CACNB4: variants seen among roughly 807,000 people sequenced by gnomAD.
The protein encoded by CACNB4 is voltage-dependent L-type calcium channel subunit beta-4.
A neutral mutation model predicts 71.2 loss-of-function variants in CACNB4; 32 were observed. The observed-to-expected ratio is 0.45, with a 90% CI of 0.34 to 0.60. The LOEUF (loss-of-function observed/expected upper bound fraction) is 0.60. CACNB4 is among the 20% of genes least tolerant of loss of function. CACNB4 has a pLI of 0.01. For synonymous variants in CACNB4, 231 were observed against 236.9 expected (o/e 0.97, Z 0.23); for missense variants, 464 against 647.9 (o/e 0.72, Z 3.08).
At position 151,881,052 on chromosome 2, in the gene CACNB4, T is replaced by C. The variant is rs930398946; in HGVS notation, c.268-130A>G. ...GAGGGATCTCAAATGAGTTTTACAT[T>C]CTCAAGCAATATCAAGAAACCTGCA... On this transcript the variant is annotated intron_variant, in intron 3 of 13. Transcript: ENST00000539935. The C allele has an allele frequency of 1.5e-5, 13 of 887,858 alleles. No individual in the cohort carries two copies. The African/African-American group carries it at 1.9e-4, about 13-fold the overall frequency. 55.0% of individuals were successfully genotyped at this position (887,858 alleles called of 1,614,324 possible).
chr2:151,999,344 G>A (rs1022109085), intron 2 of CACNB4, among the ~76,000 whole-genome samples: 1 of 149,340 alleles, frequency 6.7e-6, no homozygotes, highest in African/African-American at 2.5e-5. Context: ...TCCAGTTGAT[G>A]GTACCTTATT....
chr2:151,951,960 G>A (rs1341612757), intron 2 of CACNB4, among the ~76,000 whole-genome samples: 6 of 152,166 alleles, frequency 3.9e-5, no homozygotes, highest in Admixed American at 3.3e-4. Context: ...TGGAGGCTCT[G>A]GGTATGAACA....
intron 8 of CACNB4, chr2:151,870,308 G>A: frequency 1.4e-6 from 1 of 703,312 alleles, no homozygotes. Flanking sequence ...TTTGAGGGAG[G>A]TATTTCTAAA....
chr2:151,945,418 C>T (rs939107175), intron 2 of CACNB4, among the ~76,000 whole-genome samples: 4 of 152,150 alleles, frequency 2.6e-5, no homozygotes, highest in African/African-American at 9.7e-5. Context: ...CCTGTAATCC[C>T]AGCACTTTGA....
chr2:151,919,189 T>C (rs898653173), intron 2 of CACNB4, among the ~76,000 whole-genome samples: 3 of 152,162 alleles, frequency 2.0e-5, no homozygotes, highest in African/African-American at 7.2e-5. Context: ...ACAGTCCAGG[T>C]TTTGCCAAAG....
intron 4 of CACNB4, among the ~76,000 whole-genome samples, chr2:151,877,207 G>C (rs1212893134): frequency 1.3e-5 from 2 of 151,746 alleles, no homozygotes; most frequent in Admixed American, 1.3e-4. Context: ...GGTCCAAGTA[G>C]TAAATATTTC....
chr2:152,010,436 A>G (rs1205852201), intron 2 of CACNB4, among the ~76,000 whole-genome samples: 1 of 152,204 alleles, frequency 6.6e-6, no homozygotes, highest in Non-Finnish European at 1.5e-5. Context: ...GATATGGCTA[A>G]CCACAAAGCT....
At chr2:152,070,183 C>T (rs1215302822) in intron 2 of CACNB4, among the ~76,000 whole-genome samples, 1 of 152,132 alleles carries the variant, frequency 6.6e-6, no homozygotes, top group Non-Finnish European at 1.5e-5. Context: ...AAGAATATGT[C>T]ATGACTTCAC....
intron 2 of CACNB4, among the ~76,000 whole-genome samples, chr2:152,035,624 C>CT (rs1684529446): frequency 3.2e-5 from 1 of 31,318 alleles, no homozygotes; most frequent in Non-Finnish European, 6.1e-5. Context: ...TCTCTCCCTC[C>CT]CTCTCCCTCT....
chr2:152,017,528 G>A (rs1579136082), intron 2 of CACNB4, among the ~76,000 whole-genome samples: 2 of 151,778 alleles, frequency 1.3e-5, no homozygotes, highest in East Asian at 3.9e-4. Context: ...CTAAGACGGT[G>A]AAACCCCATC....
chr2:151,838,900 T>C lies in CACNB4; in HGVS notation c.*219A>G, dbSNP rs2099835476. ...ACAAAATGTACTGTTATCATGTAAA[T>C]GTTGCACTTAAAAATATCTATATGA... On this transcript the variant is annotated 3_prime_UTR_variant, in exon 14 of 14. Transcript: ENST00000539935. 1 of 445,344 alleles carries C rather than the reference T, an allele frequency of 2.2e-6. No homozygotes were observed. The allele number at this position is 445,344 out of a possible 1,614,324, so 27.6% of individuals were successfully genotyped here.
intron 2 of CACNB4, among the ~76,000 whole-genome samples, chr2:152,020,428 G>T (rs907220737): frequency 1.3e-5 from 2 of 152,316 alleles, no homozygotes; most frequent in South Asian, 4.1e-4. Flanking sequence ...TATAGGGTGA[G>T]GGGGCAAGAA....
intron 2 of CACNB4, among the ~76,000 whole-genome samples, chr2:151,888,595 T>C (rs903875667): frequency 6.6e-6 from 1 of 152,018 alleles, no homozygotes; most frequent in Non-Finnish European, 1.5e-5. Context: ...TAAAATGTGA[T>C]CATACTGGAA....
At chr2:152,047,468 C>T (rs908796756) in intron 2 of CACNB4, among the ~76,000 whole-genome samples, 8 of 152,214 alleles carry the variant, frequency 5.3e-5, no homozygotes, top group Admixed American at 2.0e-4. Flanking sequence ...AATCCACATA[C>T]GACCTGTAAC....
chr2:152,082,571 C>T (rs1200575873), intron 2 of CACNB4, among the ~76,000 whole-genome samples: 2 of 152,330 alleles, frequency 1.3e-5, no homozygotes, highest in South Asian at 2.1e-4. Context: ...TCTGTGGACA[C>T]AGCCATAAAG....
At chr2:151,969,460 C>T (rs1315089111) in intron 2 of CACNB4, 1 of 152,194 alleles carries the variant, frequency 6.6e-6, no homozygotes, top group East Asian at 1.9e-4. Flanking sequence ...AAGGAGCAAT[C>T]CTTTATTCTC....
chr2:151,989,433 T>C (rs1337098505), intron 2 of CACNB4, among the ~76,000 whole-genome samples: 2 of 152,240 alleles, frequency 1.3e-5, no homozygotes, highest in Non-Finnish European at 2.9e-5. Context: ...TTGCAATTTC[T>C]AATAGAACCT....
chr2:151,949,403 C>G lies in CACNB4; in HGVS notation c.148-66033G>C, dbSNP rs1047102222. Reference sequence around the variant, plus strand: ...GGAGTTAAAGTGCAGAGGAAAGTACCAAAAGTTCAGACTAGGGAATTATGA... The same window carrying G: ...GGAGTTAAAGTGCAGAGGAAAGTACGAAAAGTTCAGACTAGGGAATTATGA... On this transcript the variant is annotated intron_variant, in intron 2 of 13. Transcript: ENST00000539935. Among the ~76,000 whole-genome samples the G allele has an allele frequency of 3.9e-5, 6 of 152,164 alleles. No individual in the cohort carries two copies. The East Asian group carries it at 9.7e-4, about 25-fold the overall frequency.
intron 2 of CACNB4, among the ~76,000 whole-genome samples, chr2:151,909,027 G>GA (rs569135736): frequency 2.7e-5 from 4 of 147,324 alleles, no homozygotes; most frequent in Non-Finnish European, 4.5e-5. Context: ...AATTTAGAAA[G>GA]AAAAAAAAAC....
Sources: allele counts gnomAD v4.1 joint callset (sites outside exome capture counted in the v4.1 genomes callset), GRCh38; gene constraint gnomAD v4.1.1; transcripts MANE v1.5; gene names NCBI Gene and HGNC (gene_info 2026-07-23, HGNC 2026-07-21).